The following LEPROT variants were observed in gnomAD, a reference collection of about 807,000 sequenced individuals.
LEPROT encodes the protein leptin receptor gene-related protein.
A neutral mutation model predicts 15.4 loss-of-function variants in LEPROT; 3 were observed. The observed-to-expected ratio is 0.19, with a 90% CI of 0.09 to 0.50. The LOEUF (loss-of-function observed/expected upper bound fraction) is 0.50. Ranked by LOEUF, LEPROT falls within the 20% of genes least tolerant of loss-of-function variation. The pLI is 0.97. For synonymous variants in LEPROT, 59 were observed against 57.5 expected (o/e 1.03, Z -0.12); for missense variants, 137 against 162.2 (o/e 0.84, Z 0.84).
At chr1:65,427,050 A>G (rs991476991) in intron 2 of LEPROT, among the ~76,000 whole-genome samples, 2 of 151,962 alleles carry the variant, frequency 1.3e-5, no homozygotes, top group Non-Finnish European at 2.9e-5. Context: ...GAAGTGAGTT[A>G]TTATGACAGT....
intron 3 of LEPROT, among the ~76,000 whole-genome samples, chr1:65,430,847 G>A (rs1288792127): frequency 6.6e-6 from 1 of 152,168 alleles, no homozygotes; most frequent in African/African-American, 2.4e-5. Context: ...TGATCAGAAT[G>A]CCATAGGGGC....
intron 1 of LEPROT, among the ~76,000 whole-genome samples, chr1:65,424,056 A>G (rs1280480805): frequency 2.0e-5 from 3 of 152,208 alleles, no homozygotes; most frequent in African/African-American, 7.2e-5. Context: ...ACCCAAAGTC[A>G]TAAGACCAGA....
intron 1 of LEPROT, among the ~76,000 whole-genome samples, chr1:65,423,036 A>C (rs1357660916): frequency 1.3e-5 from 2 of 152,132 alleles, no homozygotes; most frequent in Admixed American, 6.5e-5. Context: ...GATTCATTGG[A>C]AGGTGGAATG....
At chr1:65,427,766 AT>A in intron 2 of LEPROT, 1 of 404,486 alleles carries the variant, frequency 2.5e-6, no homozygotes, top group Non-Finnish European at 4.9e-6. Context: ...CTTTATTTTA[AT>A]TTTTTGTTTT....
At chr1:65,429,288 G>T (rs562078440) in intron 2 of LEPROT, among the ~76,000 whole-genome samples, 12 of 152,236 alleles carry the variant, frequency 7.9e-5, no homozygotes, top group African/African-American at 2.9e-4. Context: ...TAGCGCAAAG[G>T]CCCCAGGATA....
In LEPROT at chr1:65,434,954, C is replaced by T; in HGVS notation, c.*3035C>T. On this transcript the variant is annotated 3_prime_UTR_variant, in exon 4 of 4. Coordinates refer to ENST00000371065, the MANE Select transcript of LEPROT (RefSeq NM_017526.5). ...GATTATCTTCTCCACATCTGAAATT[C>T]CTTTTGACACCTGCATTGGGCCGAC... 1.0e-6 allele frequency: 1 copy of T among 985,492 alleles called. No individual in the cohort carries two copies. Among genetic ancestry groups the T allele is most frequent in the Non-Finnish European group, 1.2e-6 (1 of 829,998 alleles). The allele number at this position is 985,492 out of a possible 1,614,324, so 61.0% of individuals were successfully genotyped here.
intron 3 of LEPROT, among the ~76,000 whole-genome samples, chr1:65,430,628 G>A (rs1332756057): frequency 1.3e-5 from 2 of 151,968 alleles, no homozygotes; most frequent in African/African-American, 2.4e-5. Flanking sequence ...CTCCAATTAC[G>A]TTCTATTTTA....
chr1:65,426,848 A>C (rs892889641), intron 2 of LEPROT, among the ~76,000 whole-genome samples: 2 of 152,138 alleles, frequency 1.3e-5, no homozygotes, highest in African/African-American at 4.8e-5. Flanking sequence ...AATACAAAAA[A>C]TTAGCTGGGC....
At chr1:65,425,657 A>C (rs1646348009) in intron 2 of LEPROT, among the ~76,000 whole-genome samples, 1 of 151,756 alleles carries the variant, frequency 6.6e-6, no homozygotes, top group African/African-American at 2.4e-5. Flanking sequence ...GAGGAGGTAA[A>C]GTTCTAGTTG....
intron 2 of LEPROT, 114 bp downstream of exon 2, chr1:65,425,492 G>A (rs1384323396): frequency 1.2e-6 from 1 of 807,846 alleles, no homozygotes. Flanking sequence ...TGAGTTAGTG[G>A]AGCCCAGTTT....
At chr1:65,430,425 A>G (rs2100220485) in intron 3 of LEPROT, 1 of 158,156 alleles carries the variant, frequency 6.3e-6, no homozygotes, top group African/African-American at 2.4e-5. Flanking sequence ...GGGATCATGG[A>G]CTCAACTCTC....
chr1:65,424,156 A>G (rs1382151139), intron 1 of LEPROT, among the ~76,000 whole-genome samples: 2 of 141,868 alleles, frequency 1.4e-5, no homozygotes, highest in African/African-American at 6.3e-5. Flanking sequence ...ACTCAGCAGC[A>G]CAACAAGGGC....
chr1:65,433,706 A>G lies in LEPROT; in HGVS notation c.*1787A>G. 1.6e-5 allele frequency: 15 copies of G among 944,756 alleles called. No individual in the cohort carries two copies. Among genetic ancestry groups the G allele is most frequent in the Non-Finnish European group, 1.9e-5 (15 of 793,162 alleles). 58.5% of individuals were successfully genotyped at this position (944,756 alleles called of 1,614,324 possible). On this transcript the variant is annotated 3_prime_UTR_variant, in exon 4 of 4. Transcript: ENST00000371065. Reference sequence around the variant, plus strand: ...TAAAGTTGTCATTTCCAATATTTATATTAGAAAAATTATTTAGATACTTTA... The same window carrying G: ...TAAAGTTGTCATTTCCAATATTTATGTTAGAAAAATTATTTAGATACTTTA...
At position 65,435,366 on chromosome 1, in the gene LEPROT, C is replaced by CTTTTTTTTTT. The variant is rs60757318; in HGVS notation, c.*3457_*3466dup. 5.2e-5 allele frequency: 38 copies of CTTTTTTTTTT among 726,184 alleles called. 3 individuals are homozygous for CTTTTTTTTTT. The highest frequency in any genetic ancestry group is 4.2e-4 in the East Asian group (3 of 7,170). The allele number at this position is 726,184 out of a possible 1,614,324, so 45.0% of individuals were successfully genotyped here. A position where few individuals can be genotyped will look rare whatever the true frequency, so the allele number is the denominator to read the frequency against. ...TGTCACAAAATGTGCCTTTTCTTTTCTTTTTTTTTTTTTTTTTTTGAGGCA... is the reference window on the plus strand; with the variant it reads ...TGTCACAAAATGTGCCTTTTCTTTTCTTTTTTTTTTTTTTTTTTTTTTTTTTTTTGAGGCA... On this transcript the variant is annotated 3_prime_UTR_variant, in exon 4 of 4. Transcript: ENST00000371065.
intron 1 of LEPROT, among the ~76,000 whole-genome samples, chr1:65,422,311 C>T (rs1646266496): frequency 6.6e-6 from 1 of 152,142 alleles, no homozygotes; most frequent in South Asian, 2.1e-4. Flanking sequence ...GATGCAGCTA[C>T]AAAGTCAGGA....
chr1:65,430,185 A>G (rs1020710460), intron 3 of LEPROT, 137 bp downstream of exon 3: 2 of 679,124 alleles, frequency 2.9e-6, no homozygotes, highest in East Asian at 5.9e-5. Flanking sequence ...CTGTTCCTCT[A>G]CTTTAGACCT....
At position 65,433,298 on chromosome 1, in the gene LEPROT, TA is replaced by T; in HGVS notation, c.*1380del. 1.0e-6 allele frequency: 1 copy of T among 985,436 alleles called. No homozygotes were observed. The highest frequency in any genetic ancestry group is 1.2e-6 in the Non-Finnish European group (1 of 829,924). The allele number at this position is 985,436 out of a possible 1,614,324, so 61.0% of individuals were successfully genotyped here. A position where few individuals can be genotyped will look rare whatever the true frequency, so the allele number is the denominator to read the frequency against. ...TGCTTAATTTCACTACGTGTTGATG[TA>T]CTTGTCTTCCGTCCTGTAGGTCTTT... On this transcript the variant is annotated 3_prime_UTR_variant, in exon 4 of 4. Coordinates refer to ENST00000371065, the MANE Select transcript of LEPROT (RefSeq NM_017526.5).
At chr1:65,421,370 G>T in intron 1 of LEPROT, 1 of 1,535,538 alleles carries the variant, frequency 6.5e-7, no homozygotes, top group Admixed American at 2.0e-5. Flanking sequence ...TTTGCATGGG[G>T]CAGTTGGTAA....
chr1:65,430,079 C>T (rs761948743), intron 3 of LEPROT, 31 bp downstream of exon 3: 2 of 1,522,668 alleles, frequency 1.3e-6, no homozygotes, highest in East Asian at 2.3e-5. Flanking sequence ...TTTTGCCCAA[C>T]CGTTGCTGAG....
Sources: allele counts gnomAD v4.1 joint callset (sites outside exome capture counted in the v4.1 genomes callset), GRCh38; gene constraint gnomAD v4.1.1; transcripts MANE v1.5; gene names NCBI Gene and HGNC (gene_info 2026-07-23, HGNC 2026-07-21).